Variants in SRPK3 observed in about 807,000 individuals in gnomAD.
SRPK3 encodes SFRS protein kinase 3.
SRPK3 carries 26 observed loss-of-function variants against 45.3 expected under a neutral mutation model. That is an observed-to-expected ratio of 0.57 (90% CI 0.42 to 0.80). The LOEUF (loss-of-function observed/expected upper bound fraction) is 0.80, where lower values mean the gene tolerates loss of function less well. Among genes scored for constraint, SRPK3 ranks in the 30% least tolerant of loss-of-function variants. The pLI, the probability that SRPK3 is intolerant of heterozygous loss-of-function variation, is 0.00. For synonymous variants in SRPK3, 254 were observed against 226.6 expected (o/e 1.12, Z -1.09); for missense variants, 536 against 514.5 (o/e 1.04, Z -0.40).
rs1294795911 is a variant in SRPK3, at chrX:153,781,058, G to A, written c.-29G>A. ...GGCCCCACAGGAGCAGCCGCCCGGG[G>A]CACCGGAGCTGCGGGCTGCGTGGCC... On this transcript the variant is annotated 5_prime_UTR_variant, in exon 1 of 15. Coordinates refer to ENST00000370101, the MANE Select transcript of SRPK3 (RefSeq NM_014370.4). The A allele has an allele frequency of 2.9e-6, 3 of 1,037,750 alleles. No individual in the cohort carries two copies. In the East Asian group the frequency reaches 1.2e-4, roughly 41 times the overall value. 85.5% of individuals were successfully genotyped at this position (1,037,750 alleles called of 1,213,427 possible).
chrX:153,782,667 C>T, intron 5 of SRPK3, 105 bp from the exon 6 acceptor site: 1 of 792,089 alleles, frequency 1.3e-6, no homozygotes, highest in South Asian at 2.7e-5. Context: ...GAGGCCCTGC[C>T]TCCCCACCTC....
At chrX:153,785,291 T>A (rs781935359) in intron 14 of SRPK3, 45 bp from the exon 15 acceptor site, 9 of 1,191,856 alleles carry the variant, frequency 7.6e-6, no homozygotes, top group Non-Finnish European at 1.0e-5. Context: ...AGAAGGCAGG[T>A]CCAGAGACAG....
At chrX:153,782,531 C>T (rs781820977) in intron 5 of SRPK3, among the ~76,000 whole-genome samples, 30 of 113,662 alleles carry the variant, frequency 2.6e-4, no homozygotes, top group Middle Eastern at 4.6e-3. Context: ...GCCTCTGTGC[C>T]TGCTCCTCCA....
rs1336069131 is a variant in SRPK3, at chrX:153,783,015, C to T, written c.645C>T (p.Pro215=). 5 of 1,185,980 alleles carry T rather than the reference C, an allele frequency of 4.2e-6. No individual in the cohort carries two copies. The highest frequency in any genetic ancestry group is 2.3e-5 in the Admixed American group (1 of 43,817). Residue 215 remains proline, a synonymous_variant, in exon 7 of 15, where the codon CCC becomes CCT. Coordinates refer to ENST00000370101, the MANE Select transcript of SRPK3 (RefSeq NM_014370.4). ...AGATCATCCACACGGACATCAAGCC[C>T]GAGAACATCTTGCTGTGTGTGGGGG... ...KCKIIHTDIK[P]ENILLCVGDA...
Position 153,781,041 on chromosome X carries a change from A to C in SRPK3, c.-46A>C. Reference sequence around the variant, plus strand: ...TTCGCAGGCCGCGGCCGGGCCCCACAGGAGCAGCCGCCCGGGGCACCGGAG... The same window carrying C: ...TTCGCAGGCCGCGGCCGGGCCCCACCGGAGCAGCCGCCCGGGGCACCGGAG... On this transcript the variant is annotated 5_prime_UTR_variant, in exon 1 of 15. Coordinates refer to ENST00000370101, the MANE Select transcript of SRPK3 (RefSeq NM_014370.4). 1 of 1,029,877 alleles carries C rather than the reference A, an allele frequency of 9.7e-7. No individual in the cohort carries two copies. Among genetic ancestry groups the C allele is most frequent in the Non-Finnish European group, 1.2e-6 (1 of 811,972 alleles). The allele number at this position is 1,029,877 out of a possible 1,213,427, so 84.9% of individuals were successfully genotyped here. A position where few individuals can be genotyped will look rare whatever the true frequency, so the allele number is the denominator to read the frequency against.
rs371853765 is a variant in SRPK3, at chrX:153,781,495, C to T, written c.191-10C>T. ...CCCCCTCCACCCCAATCTACATCTC[C>T]CCTGGGCAGGCGGCTACCACCCTGT... On this transcript the variant is annotated splice_polypyrimidine_tract_variant and intron_variant, in intron 2 of 14. Transcript: ENST00000370101. 9.1e-6 allele frequency: 11 copies of T among 1,205,157 alleles called. No individual in the cohort carries two copies. The Admixed American group carries it at 1.7e-4, about 19-fold the overall frequency.
rs782421847 is a variant in SRPK3 at position 153,781,155 on chromosome X, G to C, written c.59+10G>C. ...GCGGCAGTAGCAGCAGGTAGGGCTC[G>C]GCTGGGGCACCCGGAGCCCCTGGCG... On this transcript the variant is annotated intron_variant, in intron 1 of 14. Transcript: ENST00000370101. 4 of 1,169,480 alleles carry C rather than the reference G, an allele frequency of 3.4e-6. No homozygotes were observed. The highest frequency in any genetic ancestry group is 3.4e-6 in the Non-Finnish European group (3 of 875,742).
Position 153,781,043 on chromosome X carries a change from G to A in SRPK3, c.-44G>A, listed in dbSNP as rs1557066563. On this transcript the variant is annotated 5_prime_UTR_variant, in exon 1 of 15. Coordinates refer to ENST00000370101, the MANE Select transcript of SRPK3 (RefSeq NM_014370.4). ...CGCAGGCCGCGGCCGGGCCCCACAG[G>A]AGCAGCCGCCCGGGGCACCGGAGCT... The A allele has an allele frequency of 3.9e-6, 4 of 1,031,613 alleles. No individual in the cohort carries two copies. Among genetic ancestry groups the A allele is most frequent in the Admixed American group, 5.2e-5 (1 of 19,127 alleles). 85.0% of individuals were successfully genotyped at this position (1,031,613 alleles called of 1,213,427 possible). A position where few individuals can be genotyped will look rare whatever the true frequency, so the allele number is the denominator to read the frequency against.
At chrX:153,784,709 C>T (rs1489965856) in intron 11 of SRPK3, 41 bp from the exon 12 acceptor site, 3 of 1,171,486 alleles carry the variant, frequency 2.6e-6, no homozygotes, top group Non-Finnish European at 3.5e-6. Context: ...GGCAGGACAG[C>T]CTTGGCCCCA....
In SRPK3 at chrX:153,785,302, G is replaced by A. The variant is rs782356565; in HGVS notation, c.1520-34G>A. 1.7e-5 allele frequency: 20 copies of A among 1,195,975 alleles called. No individual in the cohort carries two copies. In the African/African-American group the frequency reaches 3.0e-4, roughly 18 times the overall value. On this transcript the variant is annotated intron_variant, in intron 14 of 14. Coordinates refer to ENST00000370101, the MANE Select transcript of SRPK3 (RefSeq NM_014370.4). ...AAGCAGAAGGCAGGTCCAGAGACAG[G>A]GACAGAGCCTGACGCCCGCTGGCCT...
Position 153,784,926 on chromosome X carries a change from C to G in SRPK3, c.1357-8C>G, listed in dbSNP as rs199648039. On this transcript the variant is annotated splice_region_variant and splice_polypyrimidine_tract_variant and intron_variant, in intron 12 of 14. Transcript: ENST00000370101. ...CCAGCCAGCAGCCTCACCTCCTCCC[C>G]CTTCCAGGCCTTCGAGCTGGCCACT... 2.5e-6 allele frequency: 3 copies of G among 1,210,602 alleles called. No homozygotes were observed. Among genetic ancestry groups the G allele is most frequent in the South Asian group, 1.8e-5 (1 of 56,927 alleles).
chrX:153,785,142 C>T lies in SRPK3; in HGVS notation c.1488C>T (p.Gly496=), dbSNP rs373541733. The change falls in exon 14 of 15, where the codon GGC becomes GGT. Residue 496 remains glycine (G), a synonymous_variant. Coordinates refer to ENST00000370101, the MANE Select transcript of SRPK3 (RefSeq NM_014370.4). ...TCCCCCCAGCCTTCGCCCTCTCAGG[C>T]CGCTATTCCCGGGAGTTCTTCAACC... ...GDIPPAFALS[G]RYSREFFNRR... 5.4e-5 allele frequency: 65 copies of T among 1,209,513 alleles called. No homozygotes were observed. The South Asian group carries it at 7.9e-4, about 15-fold the overall frequency.
At chrX:153,784,671 G>C in intron 11 of SRPK3, 79 bp from the exon 12 acceptor site, 1 of 1,117,499 alleles carries the variant, frequency 8.9e-7, no homozygotes, top group South Asian at 1.9e-5. Context: ...TCGGGTAGGC[G>C]GATCGGGGTG....
chrX:153,782,345 C>T (rs1250403510), intron 5 of SRPK3, 137 bp downstream of exon 5: 17 of 513,502 alleles, frequency 3.3e-5, no homozygotes, highest in Non-Finnish European at 5.3e-5. Context: ...CTGGCACGAC[C>T]CCGCCCCCAG....
rs782643302 is a variant in SRPK3, at chrX:153,784,706, C to G, written c.1249-44C>G. On this transcript the variant is annotated intron_variant, in intron 11 of 14. Transcript: ENST00000370101. ...GGGGCAGGAGTCCGTGGGGGCAGGA[C>G]AGCCTTGGCCCCAGCCCGTCCCCAG... 8.4e-6 allele frequency: 10 copies of G among 1,185,550 alleles called. No homozygotes were observed. In the East Asian group the frequency reaches 2.1e-4, roughly 25 times the overall value.
Position 153,785,320 on chromosome X carries a change from G to A in SRPK3, c.1520-16G>A, listed in dbSNP as rs782698987. On this transcript the variant is annotated splice_polypyrimidine_tract_variant and intron_variant, in intron 14 of 14. Transcript: ENST00000370101. Reference sequence around the variant, plus strand: ...GAGACAGGGACAGAGCCTGACGCCCGCTGGCCTGCCCGCAGGAGAGCTGCG... The same window carrying A: ...GAGACAGGGACAGAGCCTGACGCCCACTGGCCTGCCCGCAGGAGAGCTGCG... 15 of 1,199,860 alleles carry A rather than the reference G, an allele frequency of 1.3e-5. 1 individual carries two copies. In the Admixed American group the frequency reaches 2.2e-4, roughly 17 times the overall value.
intron 2 of SRPK3, 75 bp from the exon 3 acceptor site, chrX:153,781,430 C>G: frequency 8.5e-7 from 1 of 1,175,774 alleles, no homozygotes; most frequent in Admixed American, 2.3e-5. Flanking sequence ...GCCAGATGGT[C>G]AATGGGGCCG....
rs186771946 is a variant in SRPK3, at chrX:153,785,049, G to C, written c.1427-32G>C. ...GCTCAGCCTCCCGGCCTCCCGGCCT[G>C]CCTGCCCCCAACCTCCTCTTTCTGC... On this transcript the variant is annotated intron_variant, in intron 13 of 14. Coordinates refer to ENST00000370101, the MANE Select transcript of SRPK3 (RefSeq NM_014370.4). 21 of 1,210,196 alleles carry C rather than the reference G, an allele frequency of 1.7e-5. No homozygotes were observed. The African/African-American group carries it at 3.6e-4, about 21-fold the overall frequency.
chrX:153,784,950 C>G lies in SRPK3; in HGVS notation c.1373C>G (p.Thr458Ser). The G allele has an allele frequency of 8.3e-7, 1 of 1,210,593 alleles. No homozygotes were observed. The highest frequency in any genetic ancestry group is 1.1e-6 in the Non-Finnish European group (1 of 895,099). ...STACMAFELA[T>S]GDYLFEPHSG... ...CCCTTCCAGGCCTTCGAGCTGGCCA[C>G]TGGTGACTACCTGTTCGAGCCGCAT... is the stretch of plus-strand genomic sequence containing the variant. Residue 458 changes from threonine to serine, a missense_variant, in exon 13 of 15, where the codon ACT becomes AGT. Physicochemically the swap from Thr to Ser is moderately conservative, Grantham distance 58. Transcript: ENST00000370101.
Sources: allele counts gnomAD v4.1 joint callset (sites outside exome capture counted in the v4.1 genomes callset), GRCh38; gene constraint gnomAD v4.1.1; transcripts MANE v1.5; gene names NCBI Gene and HGNC (gene_info 2026-07-23, HGNC 2026-07-21).